The following KIAA1755 variants were observed in gnomAD, a reference collection of about 807,000 sequenced individuals.
The protein encoded by KIAA1755 is KIAA1755.
KIAA1755 carries 68 observed loss-of-function variants against 91.7 expected under a neutral mutation model. The ratio of observed to expected loss-of-function variants is 0.74; its 90% CI spans 0.61 to 0.91. The LOEUF (loss-of-function observed/expected upper bound fraction) is 0.91, where lower values mean the gene tolerates loss of function less well. KIAA1755 is among the 40% of genes least tolerant of loss of function. The pLI is 0.00. For missense variants in KIAA1755, 1,535 were observed against 1,494.4 expected (o/e 1.03, Z -0.45); for synonymous variants, 610 against 604.6 (o/e 1.01, Z -0.13).
In KIAA1755 at chr20:38,212,633, G is replaced by A. The variant is rs1313136737; in HGVS notation, c.*409C>T. On this transcript the variant is annotated 3_prime_UTR_variant, in exon 14 of 14. Coordinates refer to ENST00000279024, the MANE Select transcript of KIAA1755 (RefSeq NM_001029864.2). Reference sequence around the variant, plus strand: ...GGAAGCACTCCCGAATCTCCCCGAGGATTCTGCCTAAGGGCAACACTGGCC... The same window carrying A: ...GGAAGCACTCCCGAATCTCCCCGAGAATTCTGCCTAAGGGCAACACTGGCC... The A allele has an allele frequency of 1.2e-5, 2 of 165,518 alleles. No individual in the cohort carries two copies. Among genetic ancestry groups the A allele is most frequent in the Middle Eastern group, 3.0e-3 (1 of 328 alleles). 10.3% of individuals were successfully genotyped at this position (165,518 alleles called of 1,614,324 possible).
At chr20:38,248,065 TA>T (rs1170405414) in intron 1 of KIAA1755, among the ~76,000 whole-genome samples, 4 of 151,970 alleles carry the variant, frequency 2.6e-5, no homozygotes, top group Non-Finnish European at 5.9e-5. Flanking sequence ...CCATCTTTAC[TA>T]AAAATACAAA....
intron 1 of KIAA1755, among the ~76,000 whole-genome samples, chr20:38,246,962 G>A (rs529708366): frequency 6.6e-6 from 1 of 152,092 alleles, no homozygotes; most frequent in Non-Finnish European, 1.5e-5. Context: ...CAGGTGCTCC[G>A]CGCTGTCCCC....
chr20:38,256,549 T>A (rs1180479692), intron 1 of KIAA1755, among the ~76,000 whole-genome samples: 1 of 152,220 alleles, frequency 6.6e-6, no homozygotes, highest in Non-Finnish European at 1.5e-5. Context: ...ATGCCTATAA[T>A]CCCAGCACTT....
chr20:38,227,997 G>T (rs914746164), intron 6 of KIAA1755, 150 bp downstream of exon 6: 35 of 517,026 alleles, frequency 6.8e-5, no homozygotes, highest in Admixed American at 2.3e-4. Context: ...CTTCAAGCTT[G>T]TTAGGGCTGA....
chr20:38,260,302 A>T (rs1436473431), intron 1 of KIAA1755, 196 bp downstream of exon 1: 7 of 1,550,864 alleles, frequency 4.5e-6, no homozygotes, highest in Non-Finnish European at 6.1e-6. Context: ...AAGCCAGGAG[A>T]GGACGCGGCC....
intron 6 of KIAA1755, 63 bp downstream of exon 6, chr20:38,228,084 T>C: frequency 7.9e-7 from 1 of 1,269,092 alleles, no homozygotes; most frequent in Admixed American, 2.3e-5. Flanking sequence ...ACTCTATGAA[T>C]GTCAGGAGGC....
intron 8 of KIAA1755, chr20:38,225,456 T>C (rs2075738593): frequency 3.5e-6 from 2 of 565,586 alleles, no homozygotes; most frequent in South Asian, 4.2e-5. Context: ...TTATCCAAAA[T>C]CACACAGCAG....
At chr20:38,225,849 CA>C in intron 7 of KIAA1755, 68 bp from the exon 8 acceptor site, 2 of 878,050 alleles carry the variant, frequency 2.3e-6, no homozygotes, top group South Asian at 3.7e-5. Flanking sequence ...AGGTCCTGCC[CA>C]GATCCCTGCC....
At chr20:38,227,484 C>T (rs2075780594) in intron 6 of KIAA1755, among the ~76,000 whole-genome samples, 1 of 152,228 alleles carries the variant, frequency 6.6e-6, no homozygotes, top group Non-Finnish European at 1.5e-5. Flanking sequence ...CCTCTGGGCC[C>T]CAGTTTGCCC....
intron 4 of KIAA1755, among the ~76,000 whole-genome samples, chr20:38,233,965 A>G (rs1304775948): frequency 6.6e-6 from 1 of 152,204 alleles, no homozygotes; most frequent in African/African-American, 2.4e-5. Context: ...GAATATGGCC[A>G]GTGTCCTTAC....
At chr20:38,215,303 A>C (rs2075525187) in intron 13 of KIAA1755, among the ~76,000 whole-genome samples, 1 of 152,198 alleles carries the variant, frequency 6.6e-6, no homozygotes. Flanking sequence ...TAGGCCTGGC[A>C]CAGACGCCAC....
intron 7 of KIAA1755, among the ~76,000 whole-genome samples, chr20:38,226,789 G>T (rs888734814): frequency 6.6e-6 from 1 of 152,166 alleles, no homozygotes; most frequent in African/African-American, 2.4e-5. Context: ...CCAGCTCTGC[G>T]TCTAGCTTGC....
intron 10 of KIAA1755, among the ~76,000 whole-genome samples, chr20:38,221,307 G>A (rs738466): frequency 0.097 from 14,715 of 152,246 alleles, 934 homozygotes; most frequent in Middle Eastern, 0.15. Flanking sequence ...GCGGGTCTGC[G>A]GGGCCTCGGA....
At chr20:38,220,553 A>C (rs368386560) in intron 10 of KIAA1755, among the ~76,000 whole-genome samples, 1 of 152,236 alleles carries the variant, frequency 6.6e-6, no homozygotes, top group African/African-American at 2.4e-5. Flanking sequence ...ACTTCAGGTG[A>C]TCTGTCTGCC....
chr20:38,231,411 G>T, intron 4 of KIAA1755, 86 bp from the exon 5 acceptor site: 1 of 1,393,418 alleles, frequency 7.2e-7, no homozygotes, highest in South Asian at 1.5e-5. Context: ...ACCTTTGGCC[G>T]TAACGGTTCC....
chr20:38,222,819 C>T (rs2075685985), intron 9 of KIAA1755: 4 of 608,880 alleles, frequency 6.6e-6, no homozygotes, highest in South Asian at 5.7e-5. Context: ...CTGGGACACC[C>T]ATTCCAGCCT....
intron 1 of KIAA1755, among the ~76,000 whole-genome samples, chr20:38,257,975 C>T (rs2076369071): frequency 6.6e-6 from 1 of 151,822 alleles, no homozygotes; most frequent in African/African-American, 2.4e-5. Flanking sequence ...TCTCGGCTCA[C>T]TGCAACCTCC....
In KIAA1755 at chr20:38,223,543, T is replaced by TC. The variant is rs748510464; in HGVS notation, c.2262dup (p.Met755AspfsTer41). On this transcript the variant is annotated frameshift_variant, in exon 9 of 14. Transcript: ENST00000279024. LOFTEE classifies it high-confidence loss of function. ...TCACCATGCTCCAGGCTCACCTGCATCCCCCCAGGGGGGTCGGCCTTCTCG... is the reference window on the plus strand; with the variant it reads ...TCACCATGCTCCAGGCTCACCTGCATCCCCCCCAGGGGGGTCGGCCTTCTCG... 6.3e-7 allele frequency: 1 copy of TC among 1,576,686 alleles called. No individual in the cohort carries two copies. The highest frequency in any genetic ancestry group is 1.2e-5 in the South Asian group (1 of 85,042).
intron 1 of KIAA1755, among the ~76,000 whole-genome samples, chr20:38,256,931 C>T (rs1362030950): frequency 6.6e-6 from 1 of 152,180 alleles, no homozygotes; most frequent in East Asian, 1.9e-4. Context: ...AAAATCTCCC[C>T]TCCTGGAACC....
Sources: allele counts gnomAD v4.1 joint callset (sites outside exome capture counted in the v4.1 genomes callset), GRCh38; gene constraint gnomAD v4.1.1; transcripts MANE v1.5; gene names NCBI Gene and HGNC (gene_info 2026-07-23, HGNC 2026-07-21).